USP7: variants seen among roughly 807,000 people sequenced by gnomAD.
USP7 encodes the protein ubiquitin specific peptidase 7.
USP7 carries 9 observed loss-of-function variants against 162.9 expected under a neutral mutation model. The observed-to-expected ratio is 0.06, with a 90% CI of 0.03 to 0.10. USP7 has a LOEUF of 0.10. Ranked by LOEUF, USP7 falls within the 10% of genes least tolerant of loss-of-function variation. The probability of loss-of-function intolerance (pLI) is 1.00; values close to 1 mark genes in which losing one functional copy is unlikely to be tolerated. For missense variants in USP7, 715 were observed against 1,373.7 expected (o/e 0.52, Z 7.58); for synonymous variants, 562 against 475.9 (o/e 1.18, Z -2.35).
At chr16:8,940,205 A>C (rs577798624) in intron 1 of USP7, among the ~76,000 whole-genome samples, 1 of 152,158 alleles carries the variant, frequency 6.6e-6, no homozygotes, top group Admixed American at 6.6e-5. Context: ...CTGCCTATCT[A>C]CGCATCCTAT....
chr16:8,930,725 T>C (rs1216402413), intron 1 of USP7, among the ~76,000 whole-genome samples: 2 of 152,300 alleles, frequency 1.3e-5, no homozygotes, highest in South Asian at 4.1e-4. Flanking sequence ...TCCTAGCATT[T>C]TGAGAGGCCA....
chr16:8,912,236 G>A (rs1346837835), intron 10 of USP7, among the ~76,000 whole-genome samples: 2 of 152,122 alleles, frequency 1.3e-5, no homozygotes, highest in South Asian at 2.1e-4. Flanking sequence ...TGGATCGCCT[G>A]AGGTCAGGAG....
At chr16:8,936,211 G>C (rs1433256639) in intron 1 of USP7, among the ~76,000 whole-genome samples, 1 of 152,100 alleles carries the variant, frequency 6.6e-6, no homozygotes, top group East Asian at 1.9e-4. Context: ...TAACAACCTA[G>C]TGATCAAAAC....
chr16:8,942,197 C>A (rs1567241486), intron 1 of USP7, among the ~76,000 whole-genome samples: 1 of 152,226 alleles, frequency 6.6e-6, no homozygotes, highest in South Asian at 2.1e-4. Context: ...CTAAAATGTT[C>A]CCTCCCAGCA....
intron 1 of USP7, among the ~76,000 whole-genome samples, chr16:8,948,389 T>G (rs1899385772): frequency 6.6e-6 from 1 of 152,150 alleles, no homozygotes; most frequent in Non-Finnish European, 1.5e-5. Flanking sequence ...TTCACCATGT[T>G]GCCCAGGCTG....
At chr16:8,903,445 C>CA (rs747616810) in intron 15 of USP7, 43 bp from the exon 16 acceptor site, 7 of 1,588,200 alleles carry the variant, frequency 4.4e-6, no homozygotes, top group Non-Finnish European at 6.0e-6. Context: ...TGACAACTGA[C>CA]AAAAAATGAG....
In USP7 at chr16:8,904,610, C is replaced by A. The variant is rs767428232; in HGVS notation, c.1574-45G>T. 6.2e-6 allele frequency: 10 copies of A among 1,604,274 alleles called. No individual in the cohort carries two copies. The East Asian group carries it at 1.6e-4, about 25-fold the overall frequency. On this transcript the variant is annotated intron_variant, in intron 14 of 30. Coordinates refer to ENST00000344836, the MANE Select transcript of USP7 (RefSeq NM_003470.3). Reference sequence around the variant, plus strand: ...TCTTTGACCCCTGCAGATGGACTTTCCCCTCTTAGAAGCTCCCGATTCTAG... The same window carrying A: ...TCTTTGACCCCTGCAGATGGACTTTACCCTCTTAGAAGCTCCCGATTCTAG...
rs748704352 is a variant in USP7 at position 8,898,352 on chromosome 16, A to C, written c.2718+8T>G. 2 of 1,597,308 alleles carry C rather than the reference A, an allele frequency of 1.3e-6. No homozygotes were observed. Among genetic ancestry groups the C allele is most frequent in the Non-Finnish European group, 8.5e-7 (1 of 1,173,648 alleles). On this transcript the variant is annotated splice_region_variant and intron_variant, in intron 25 of 30. Coordinates refer to ENST00000344836, the MANE Select transcript of USP7 (RefSeq NM_003470.3). Reference sequence around the variant, plus strand: ...AAAATTAAAATTCATAGTATTAAAAAAACTTACCTCTTCCCTAAATTGGCT... The same window carrying C: ...AAAATTAAAATTCATAGTATTAAAACAACTTACCTCTTCCCTAAATTGGCT...
chr16:8,931,680 TACA>T (rs779814646), intron 1 of USP7, among the ~76,000 whole-genome samples: 4 of 152,340 alleles, frequency 2.6e-5, no homozygotes, highest in Middle Eastern at 3.4e-3. Context: ...AGGTGTAAAT[TACA>T]ACAACATTCC....
At chr16:8,952,448 G>A (rs932090934) in intron 1 of USP7, among the ~76,000 whole-genome samples, 5 of 152,114 alleles carry the variant, frequency 3.3e-5, no homozygotes, top group African/African-American at 1.2e-4. Context: ...TAAAACCAAG[G>A]TGCCAGCAGG....
At chr16:8,894,224 C>T in intron 30 of USP7, 120 bp from the exon 31 acceptor site, 1 of 942,208 alleles carries the variant, frequency 1.1e-6, no homozygotes. Context: ...CGCAGGGAAG[C>T]CAGGACCTGA....
chr16:8,904,424 C>G lies in USP7; in HGVS notation c.1704+11G>C. On this transcript the variant is annotated intron_variant, in intron 15 of 30. Transcript: ENST00000344836. ...ATGGTGACCCGGAGTCCCAGAAGGG[C>G]GGGGGCTGACCTGCACTTGCATATA... 1 of 1,611,956 alleles carries G rather than the reference C, an allele frequency of 6.2e-7. No homozygotes were observed. The highest frequency in any genetic ancestry group is 8.5e-7 in the Non-Finnish European group (1 of 1,179,250).
At chr16:8,904,653 AATCT>A (rs2061830258) in intron 14 of USP7, 88 bp from the exon 15 acceptor site, 2 of 1,549,570 alleles carry the variant, frequency 1.3e-6, no homozygotes, top group African/African-American at 1.4e-5. Flanking sequence ...TTAATAAAAT[AATCT>A]ATTAGGCCGG....
chr16:8,939,557 C>T (rs1336288563), intron 1 of USP7, among the ~76,000 whole-genome samples: 1 of 152,174 alleles, frequency 6.6e-6, no homozygotes, highest in Non-Finnish European at 1.5e-5. Flanking sequence ...CACAAGCAAG[C>T]AAATGTTAGC....
intron 1 of USP7, chr16:8,936,796 C>G (rs1229062248): frequency 3.1e-6 from 4 of 1,277,896 alleles, no homozygotes; most frequent in African/African-American, 3.1e-5. Context: ...TTAGATAAGG[C>G]AGTCCAGGAA....
chr16:8,930,423 C>A lies in USP7; in HGVS notation c.80-26G>T, dbSNP rs372182735. On this transcript the variant is annotated intron_variant, in intron 1 of 30. Coordinates refer to ENST00000344836, the MANE Select transcript of USP7 (RefSeq NM_003470.3). ...CTTTAAAGAAGAAAAAGAAATTCCA[C>A]GGGTTTTACATTCATGGCTTTAATA... 7.0e-6 allele frequency: 11 copies of A among 1,567,904 alleles called. No individual in the cohort carries two copies. The African/African-American group carries it at 8.2e-5, about 12-fold the overall frequency.
intron 1 of USP7, among the ~76,000 whole-genome samples, chr16:8,946,111 C>A (rs1419491203): frequency 6.6e-6 from 1 of 152,156 alleles, no homozygotes; most frequent in Non-Finnish European, 1.5e-5. Context: ...GACTCTACAG[C>A]CCCTCCCCCA....
chr16:8,934,329 G>A, intron 1 of USP7, among the ~76,000 whole-genome samples: 1 of 152,200 alleles, frequency 6.6e-6, no homozygotes, highest in East Asian at 1.9e-4. Context: ...AAATCAGACT[G>A]AGACACAAGT....
intron 16 of USP7, among the ~76,000 whole-genome samples, chr16:8,902,893 A>C (rs1045319353): frequency 6.6e-6 from 1 of 152,170 alleles, no homozygotes; most frequent in Non-Finnish European, 1.5e-5. Context: ...AAAGAAAAAA[A>C]GACTGTGATT....
Sources: allele counts gnomAD v4.1 joint callset (sites outside exome capture counted in the v4.1 genomes callset), GRCh38; gene constraint gnomAD v4.1.1; transcripts MANE v1.5; gene names NCBI Gene and HGNC (gene_info 2026-07-23, HGNC 2026-07-21).